The following ARB2A variants were observed in gnomAD, a reference collection of about 807,000 sequenced individuals.
ARB2A encodes ARB2 cotranscriptional regulator A, also known as cotranscriptional regulator ARB2A.
the ARB2A span, among the ~76,000 whole-genome samples, chr5:93,644,129 G>T: frequency 6.6e-6 from 1 of 152,262 alleles, no homozygotes; most frequent in South Asian, 2.1e-4. Flanking sequence ...CTGTGACAGT[G>T]CCACACATAA....
the ARB2A span, among the ~76,000 whole-genome samples, chr5:93,968,634 CAG>C: frequency 2.0e-5 from 3 of 151,940 alleles, no homozygotes; most frequent in East Asian, 1.9e-4. Flanking sequence ...AGAGAAGAAA[CAG>C]AGAAAATATT....
the ARB2A span, among the ~76,000 whole-genome samples, chr5:93,677,292 T>A: frequency 6.6e-6 from 1 of 152,220 alleles, no homozygotes; most frequent in Non-Finnish European, 1.5e-5. Context: ...TACTCAGCAT[T>A]GAGTGACTCT....
chr5:94,085,431 G>C, the ARB2A span, among the ~76,000 whole-genome samples: 2 of 152,184 alleles, frequency 1.3e-5, no homozygotes, highest in Non-Finnish European at 2.9e-5. Flanking sequence ...GGGGACAGAG[G>C]ATTCACTTCC....
the ARB2A span, among the ~76,000 whole-genome samples, chr5:93,814,748 C>A: frequency 6.6e-6 from 1 of 152,214 alleles, no homozygotes; most frequent in African/African-American, 2.4e-5. Flanking sequence ...GTATGTTCAA[C>A]TGAATCAGTA....
At chr5:93,856,385 T>A in the ARB2A span, among the ~76,000 whole-genome samples, 1 of 152,224 alleles carries the variant, frequency 6.6e-6, no homozygotes, top group African/African-American at 2.4e-5. Context: ...GTTTTCCAAC[T>A]GGGTTCCATT....
the ARB2A span, among the ~76,000 whole-genome samples, chr5:94,104,696 G>A: frequency 9.9e-5 from 15 of 151,644 alleles, no homozygotes; most frequent in Middle Eastern, 3.4e-3. Flanking sequence ...GAAACACAAC[G>A]AAAAAAGAAA....
chr5:93,876,352 T>C, the ARB2A span, among the ~76,000 whole-genome samples: 4 of 152,292 alleles, frequency 2.6e-5, no homozygotes, highest in East Asian at 7.7e-4. Context: ...AAGTCTGACA[T>C]GATGTGTATT....
chr5:93,930,308 T>C, the ARB2A span, among the ~76,000 whole-genome samples: 1 of 152,218 alleles, frequency 6.6e-6, no homozygotes, highest in African/African-American at 2.4e-5. Flanking sequence ...ACTGATAAGA[T>C]ATGAAACAGG....
At chr5:93,925,299 T>A in the ARB2A span, among the ~76,000 whole-genome samples, 1 of 152,194 alleles carries the variant, frequency 6.6e-6, no homozygotes, top group African/African-American at 2.4e-5. Flanking sequence ...TACGAGACTA[T>A]GATAGTTAAG....
the ARB2A span, among the ~76,000 whole-genome samples, chr5:93,922,664 A>AAGGGAGGG: frequency 3.1e-4 from 10 of 31,784 alleles, no homozygotes; most frequent in East Asian, 1.2e-3. Flanking sequence ...GGGAGGGAGG[A>AAGGGAGGG]AGGGAGGGAG....
the ARB2A span, chr5:93,737,091 T>C: frequency 1.3e-5 from 2 of 152,198 alleles, no homozygotes; most frequent in Non-Finnish European, 2.9e-5. Context: ...TAAATCTGCA[T>C]AAGTCGCAGG....
chr5:93,800,060 C>T, the ARB2A span, among the ~76,000 whole-genome samples: 1 of 151,658 alleles, frequency 6.6e-6, no homozygotes, highest in East Asian at 1.9e-4. Flanking sequence ...TAGGATAATG[C>T]ACATATCTAT....
the ARB2A span, among the ~76,000 whole-genome samples, chr5:93,778,907 TAA>T: frequency 6.6e-6 from 1 of 152,188 alleles, no homozygotes; most frequent in Non-Finnish European, 1.5e-5. Flanking sequence ...AAGCAAAATA[TAA>T]GTTAACATTT....
At chr5:93,804,387 C>T in the ARB2A span, among the ~76,000 whole-genome samples, 1 of 151,942 alleles carries the variant, frequency 6.6e-6, no homozygotes, top group Admixed American at 6.6e-5. Context: ...TTTCCATATA[C>T]TTAAGCAAGC....
chr5:93,663,967 T>G, the ARB2A span, among the ~76,000 whole-genome samples: 1 of 151,864 alleles, frequency 6.6e-6, no homozygotes, highest in Non-Finnish European at 1.5e-5. Context: ...TTTAATTTTA[T>G]TATAATAAGA....
At chr5:93,631,791 G>A in the ARB2A span, among the ~76,000 whole-genome samples, 5 of 151,374 alleles carry the variant, frequency 3.3e-5, no homozygotes, top group Middle Eastern at 6.9e-3. Flanking sequence ...AGAGGGGGGA[G>A]GGGGATAGGG....
chr5:93,794,517 A>G, the ARB2A span, among the ~76,000 whole-genome samples: 1 of 151,936 alleles, frequency 6.6e-6, no homozygotes. Flanking sequence ...ATATTACCAG[A>G]GATGTTTTTC....
At chr5:93,921,511 G>A in the ARB2A span, among the ~76,000 whole-genome samples, 2 of 151,960 alleles carry the variant, frequency 1.3e-5, no homozygotes, top group Admixed American at 1.3e-4. Flanking sequence ...GTTCTCAGAC[G>A]CCATTAAGAA....
the ARB2A span, among the ~76,000 whole-genome samples, chr5:93,757,788 C>T: frequency 1.3e-5 from 2 of 152,198 alleles, no homozygotes; most frequent in South Asian, 4.1e-4. Context: ...TTAAATCACA[C>T]AGGACCTAAA....
Sources: allele counts gnomAD v4.1 joint callset (sites outside exome capture counted in the v4.1 genomes callset), GRCh38; gene constraint gnomAD v4.1.1; transcripts MANE v1.5; gene names NCBI Gene and HGNC (gene_info 2026-07-23, HGNC 2026-07-21).